The following ASTN2 variants were observed in gnomAD, a reference collection of about 807,000 sequenced individuals.
ASTN2 encodes the protein astrotactin 2, also known as astrotactin-2.
A neutral mutation model predicts 139.8 loss-of-function variants in ASTN2; 54 were observed. The ratio of observed to expected loss-of-function variants is 0.39; its 90% CI spans 0.31 to 0.48. ASTN2 has a LOEUF of 0.48. Among genes scored for constraint, ASTN2 ranks in the 20% least tolerant of loss-of-function variants. ASTN2 has a pLI of 0.95. For missense variants in ASTN2, 1,565 were observed against 1,725.1 expected (o/e 0.91, Z 1.64); for synonymous variants, 756 against 719.5 (o/e 1.05, Z -0.81).
At chr9:117,216,960 G>A (rs981923944) in intron 2 of ASTN2, among the ~76,000 whole-genome samples, 77 of 152,292 alleles carry the variant, frequency 5.1e-4, no homozygotes, top group African/African-American at 1.7e-3. Flanking sequence ...AGGTAACTCA[G>A]AGAAGTAAGT....
chr9:117,320,483 G>C (rs1438292255), intron 1 of ASTN2, among the ~76,000 whole-genome samples: 1 of 152,082 alleles, frequency 6.6e-6, no homozygotes, highest in Non-Finnish European at 1.5e-5. Context: ...CATACTGAGG[G>C]GTAAGGATTA....
intron 10 of ASTN2, among the ~76,000 whole-genome samples, chr9:116,910,234 A>G (rs1834273777): frequency 6.6e-6 from 1 of 152,198 alleles, no homozygotes; most frequent in Non-Finnish European, 1.5e-5. Context: ...AAGAAGAGAA[A>G]TCATGACAAA....
intron 20 of ASTN2, among the ~76,000 whole-genome samples, chr9:116,464,815 T>C (rs1848602841): frequency 6.6e-6 from 1 of 152,224 alleles, no homozygotes; most frequent in Admixed American, 6.5e-5. Flanking sequence ...TACTTGCCTA[T>C]AGGGATCAAC....
At chr9:117,054,265 A>G (rs781517265) in intron 5 of ASTN2, among the ~76,000 whole-genome samples, 4 of 152,200 alleles carry the variant, frequency 2.6e-5, no homozygotes, top group Non-Finnish European at 5.9e-5. Context: ...AGGCTGTGCT[A>G]AGAGGACTAT....
intron 16 of ASTN2, among the ~76,000 whole-genome samples, chr9:116,712,714 G>A (rs1051470659): frequency 3.9e-5 from 6 of 152,172 alleles, no homozygotes; most frequent in Non-Finnish European, 8.8e-5. Flanking sequence ...TAAAATAATT[G>A]AAAGTTGCGT....
intron 5 of ASTN2, among the ~76,000 whole-genome samples, chr9:117,069,686 G>T (rs1370354642): frequency 2.7e-5 from 1 of 37,666 alleles, no homozygotes; most frequent in African/African-American, 1.2e-4. Flanking sequence ...TATGAATCTG[G>T]GTGCTCCTGT....
intron 16 of ASTN2, among the ~76,000 whole-genome samples, chr9:116,661,163 A>G (rs921004868): frequency 1.3e-5 from 2 of 152,116 alleles, no homozygotes; most frequent in South Asian, 4.1e-4. Flanking sequence ...ATTGAAGGGT[A>G]ACATTTACTT....
At chr9:116,497,223 T>A (rs1369748820) in intron 19 of ASTN2, among the ~76,000 whole-genome samples, 1 of 152,204 alleles carries the variant, frequency 6.6e-6, no homozygotes, top group Non-Finnish European at 1.5e-5. Flanking sequence ...GGATATGGCA[T>A]GGCCCCAGAG....
chr9:116,651,580 A>T lies in ASTN2; in HGVS notation c.3020T>A (p.Ile1007Asn), dbSNP rs749373736. The T allele has an allele frequency of 6.2e-7, 1 of 1,614,120 alleles. No individual in the cohort carries two copies. Among genetic ancestry groups the T allele is most frequent in the Non-Finnish European group, 8.5e-7 (1 of 1,180,022 alleles). ...GGTATAAAGTGGCACCACACGGTTG[A>T]TTTCCAGCAGCACTGGTGTGGGGCT... ...QLSPTPVLLE[I>N]NRVVPLYTLI... Residue 1007 changes from isoleucine to asparagine, a missense_variant, in exon 17 of 23, where the codon ATC (isoleucine) becomes AAC (asparagine). Transcript: ENST00000313400.
intron 10 of ASTN2, among the ~76,000 whole-genome samples, chr9:116,900,927 G>C (rs1007039811): frequency 6.6e-6 from 1 of 152,062 alleles, no homozygotes; most frequent in African/African-American, 2.4e-5. Flanking sequence ...CGGGTAAAAC[G>C]TTTTACCATA....
chr9:116,440,614 C>T lies in ASTN2; in HGVS notation c.3777G>A (p.Gly1259=), dbSNP rs757989870. 6.2e-7 allele frequency: 1 copy of T among 1,613,054 alleles called. No individual in the cohort carries two copies. The highest frequency in any genetic ancestry group is 8.5e-7 in the Non-Finnish European group (1 of 1,179,964). The change falls in exon 22 of 23, where the codon GGG becomes GGA. Residue 1259 remains glycine, a synonymous_variant. Coordinates refer to ENST00000313400, the MANE Select transcript of ASTN2 (RefSeq NM_001365068.1). ...DFVWRSEDEL[G]PRKAHLILRR... is the part of the protein sequence containing the mutation. ...TCACACAAATACGCCCATACCTGGG[C>T]CCCAGCTCATCCTCACTTCTCCAGA...
At chr9:116,888,820 T>C (rs1008707600) in intron 10 of ASTN2, among the ~76,000 whole-genome samples, 6 of 152,102 alleles carry the variant, frequency 3.9e-5, no homozygotes, top group African/African-American at 1.4e-4. Flanking sequence ...TAAGCCCCGA[T>C]TGTATTAGCT....
chr9:117,121,042 A>G (rs535845763), intron 4 of ASTN2, among the ~76,000 whole-genome samples: 3 of 152,256 alleles, frequency 2.0e-5, no homozygotes, highest in Non-Finnish European at 4.4e-5. Flanking sequence ...AATATGGAAA[A>G]TAAGTTTTTT....
At chr9:117,019,375 C>T (rs538908054) in intron 6 of ASTN2, among the ~76,000 whole-genome samples, 1 of 152,206 alleles carries the variant, frequency 6.6e-6, no homozygotes, top group South Asian at 2.1e-4. Context: ...TGGGGCCAAG[C>T]ATCCAAAAAT....
chr9:116,546,082 T>C lies in ASTN2; in HGVS notation c.3356-58582A>G, dbSNP rs537139249. On this transcript the variant is annotated intron_variant, in intron 19 of 22. Transcript: ENST00000313400. ...GGAGAAGACAGGGAGGAGATAAAGATGAGAGTGCCTCGGGAAGAGCAGGGA... is the reference window on the plus strand; with the variant it reads ...GGAGAAGACAGGGAGGAGATAAAGACGAGAGTGCCTCGGGAAGAGCAGGGA... 3 of 152,324 alleles carry C rather than the reference T, an allele frequency of 2.0e-5. No homozygotes were observed. The South Asian group carries it at 6.2e-4, about 32-fold the overall frequency. The allele number at this position is 152,324 out of a possible 1,614,324, so 9.4% of individuals were successfully genotyped here.
chr9:116,920,620 A>T (rs1834578541), intron 10 of ASTN2, among the ~76,000 whole-genome samples: 1 of 152,168 alleles, frequency 6.6e-6, no homozygotes, highest in Non-Finnish European at 1.5e-5. Context: ...TTTAACCCTC[A>T]GTTACAATGT....
intron 16 of ASTN2, among the ~76,000 whole-genome samples, chr9:116,673,611 C>T (rs1309528945): frequency 1.3e-5 from 2 of 152,012 alleles, no homozygotes; most frequent in East Asian, 1.9e-4. Flanking sequence ...TACAAGAATG[C>T]GTAGACATAT....
At chr9:116,506,418 C>G (rs1850110701) in intron 19 of ASTN2, among the ~76,000 whole-genome samples, 1 of 152,184 alleles carries the variant, frequency 6.6e-6, no homozygotes, top group South Asian at 2.1e-4. Flanking sequence ...CCCTTCACCT[C>G]CAAGCATGCC....
intron 2 of ASTN2, among the ~76,000 whole-genome samples, chr9:117,253,900 A>G (rs1833608949): frequency 6.6e-6 from 1 of 152,134 alleles, no homozygotes; most frequent in African/African-American, 2.4e-5. Flanking sequence ...CATTTTGGCC[A>G]CACACCCAGA....
Sources: allele counts gnomAD v4.1 joint callset (sites outside exome capture counted in the v4.1 genomes callset), GRCh38; gene constraint gnomAD v4.1.1; transcripts MANE v1.5; gene names NCBI Gene and HGNC (gene_info 2026-07-23, HGNC 2026-07-21).